The following IFT80 variants were observed in gnomAD, a reference collection of about 807,000 sequenced individuals.
The protein encoded by IFT80 is intraflagellar transport 80, also known as intraflagellar transport protein 80 homolog.
IFT80 carries 79 observed loss-of-function variants against 107.9 expected under a neutral mutation model. That is an observed-to-expected ratio of 0.73 (90% confidence interval 0.61 to 0.88). The LOEUF (loss-of-function observed/expected upper bound fraction) is 0.88, where lower values mean the gene tolerates loss of function less well. Ranked by LOEUF, IFT80 falls within the 40% of genes least tolerant of loss-of-function variation. The probability of loss-of-function intolerance (pLI) is 0.00; values close to 1 mark genes in which losing one functional copy is unlikely to be tolerated. For synonymous variants in IFT80, 299 were observed against 300.9 expected (o/e 0.99, Z 0.07); for missense variants, 797 against 914.2 (o/e 0.87, Z 1.65).
intron 16 of IFT80, among the ~76,000 whole-genome samples, chr3:160,278,176 G>A (rs1034318138): frequency 6.6e-6 from 1 of 152,132 alleles, no homozygotes; most frequent in Admixed American, 6.5e-5. Context: ...GTAAAATAGA[G>A]CTGCAGATAT....
At chr3:160,379,316 AAT>A (rs1296765301) in intron 3 of IFT80, among the ~76,000 whole-genome samples, 3 of 152,242 alleles carry the variant, frequency 2.0e-5, no homozygotes, top group South Asian at 2.1e-4. Flanking sequence ...CAACAAAAAC[AAT>A]ATGTTATCCT....
chr3:160,380,684 A>G (rs1418503913), intron 3 of IFT80, among the ~76,000 whole-genome samples: 1 of 151,692 alleles, frequency 6.6e-6, no homozygotes, highest in Admixed American at 6.5e-5. Context: ...GAAAACAAAT[A>G]TAAAAACATA....
At chr3:160,273,194 G>C (rs774286977) in intron 18 of IFT80, among the ~76,000 whole-genome samples, 10 of 152,312 alleles carry the variant, frequency 6.6e-5, no homozygotes, top group Middle Eastern at 3.4e-3. Context: ...TTTCTTAGCA[G>C]CTATAATTAC....
At chr3:160,361,621 A>T (rs935561857) in intron 6 of IFT80, among the ~76,000 whole-genome samples, 35 of 152,132 alleles carry the variant, frequency 2.3e-4, no homozygotes, top group African/African-American at 8.0e-4. Context: ...ACCGCATAGC[A>T]GGAAGTAAAG....
chr3:160,332,461 A>G (rs1423034821), intron 8 of IFT80, among the ~76,000 whole-genome samples: 1 of 152,322 alleles, frequency 6.6e-6, no homozygotes, highest in Non-Finnish European at 1.5e-5. Flanking sequence ...GAGCACAAGG[A>G]TAAGCACGGG....
intron 1 of IFT80, among the ~76,000 whole-genome samples, chr3:160,393,321 T>C (rs916477663): frequency 6.6e-6 from 1 of 152,170 alleles, no homozygotes; most frequent in African/African-American, 2.4e-5. Flanking sequence ...CATCCCTGTG[T>C]GGATATATGT....
intron 9 of IFT80, among the ~76,000 whole-genome samples, chr3:160,316,180 C>T (rs1473131939): frequency 6.6e-6 from 1 of 152,114 alleles, no homozygotes; most frequent in Non-Finnish European, 1.5e-5. Context: ...AAGCAAACCA[C>T]CAAGTTGTGA....
intron 8 of IFT80, among the ~76,000 whole-genome samples, chr3:160,336,641 T>G (rs1719487888): frequency 6.6e-6 from 1 of 152,072 alleles, no homozygotes; most frequent in Non-Finnish European, 1.5e-5. Flanking sequence ...GATCATCTAT[T>G]GTAATATATG....
rs1290629576 is a variant in IFT80 at position 160,362,463 on chromosome 3, C to T, written c.549+3580G>A. On this transcript the variant is annotated intron_variant, in intron 6 of 19. Coordinates refer to ENST00000326448, the MANE Select transcript of IFT80 (RefSeq NM_020800.3). Reference sequence around the variant, plus strand: ...GTACAAAGAGGAGCTGGAACCATTCCTTCTGAAATTATTCCAATCAATAGA... The same window carrying T: ...GTACAAAGAGGAGCTGGAACCATTCTTTCTGAAATTATTCCAATCAATAGA... Among the ~76,000 whole-genome samples, 9 of 152,318 alleles carry T rather than the reference C, an allele frequency of 5.9e-5. No homozygotes were observed. The East Asian group carries it at 1.5e-3, about 26-fold the overall frequency.
At chr3:160,290,406 A>C (rs960813458) in intron 12 of IFT80, among the ~76,000 whole-genome samples, 1 of 150,900 alleles carries the variant, frequency 6.6e-6, no homozygotes, top group African/African-American at 2.4e-5. Flanking sequence ...AGACTGTCTC[A>C]AAAACAGAAA....
chr3:160,359,758 G>C (rs528265915), intron 6 of IFT80, among the ~76,000 whole-genome samples: 2 of 152,280 alleles, frequency 1.3e-5, no homozygotes, highest in South Asian at 4.1e-4. Context: ...TGCAGTTGAG[G>C]GTCCTGACTG....
intron 8 of IFT80, 109 bp downstream of exon 8, chr3:160,355,904 C>T: frequency 7.9e-7 from 1 of 1,263,850 alleles, no homozygotes; most frequent in South Asian, 1.2e-5. Context: ...CAGAAAGATT[C>T]AACCAGATGC....
chr3:160,394,677 G>A (rs2108425765), intron 1 of IFT80, among the ~76,000 whole-genome samples: 1 of 152,142 alleles, frequency 6.6e-6, no homozygotes, highest in African/African-American at 2.4e-5. Flanking sequence ...TTGAACCCAG[G>A]AGGTGGAGGT....
chr3:160,278,184 T>A (rs1714415848), intron 16 of IFT80, among the ~76,000 whole-genome samples: 1 of 152,186 alleles, frequency 6.6e-6, no homozygotes, highest in South Asian at 2.1e-4. Context: ...GAGCTGCAGA[T>A]ATAAACAAGC....
intron 3 of IFT80, 102 bp from the exon 4 acceptor site, chr3:160,377,642 T>A: frequency 1.6e-6 from 1 of 619,680 alleles, no homozygotes; most frequent in Non-Finnish European, 2.9e-6. Flanking sequence ...AGGCAAATAT[T>A]AACATTATAA....
intron 8 of IFT80, among the ~76,000 whole-genome samples, chr3:160,324,818 T>C (rs1367200438): frequency 6.6e-6 from 1 of 152,006 alleles, no homozygotes; most frequent in Non-Finnish European, 1.5e-5. Flanking sequence ...GGTATTCAAT[T>C]AGGAAAAGAG....
Position 160,366,046 on chromosome 3 carries a change from C to T in IFT80, c.546G>A (p.Leu182=), listed in dbSNP as rs543233802. The T allele has an allele frequency of 9.9e-5, 160 of 1,610,904 alleles. 1 individual carries two copies. In the South Asian group the frequency reaches 1.3e-3, roughly 13 times the overall value. The change falls in exon 6 of 20, where the codon TTG becomes TTA. Residue 182 remains leucine (L), a synonymous_variant. Coordinates refer to ENST00000326448, the MANE Select transcript of IFT80 (RefSeq NM_020800.3). ...TTTACAAATGACTGAGAAGTACCTG[C>T]AAAACTTTAGCATTTGGTTGAAGAG... ...IKPLQPNAKV[L]QWKAHDGIIL...
intron 4 of IFT80, among the ~76,000 whole-genome samples, chr3:160,377,196 T>C (rs1288559784): frequency 1.3e-5 from 2 of 152,214 alleles, no homozygotes; most frequent in Admixed American, 6.5e-5. Flanking sequence ...ATTTATTCCA[T>C]ACGTGACCAT....
At chr3:160,281,075 A>T (rs531609418) in intron 14 of IFT80, among the ~76,000 whole-genome samples, 1 of 152,310 alleles carries the variant, frequency 6.6e-6, no homozygotes, top group East Asian at 1.9e-4. Context: ...GCAGCTAAAG[A>T]CTTGCTAATA....
Sources: allele counts gnomAD v4.1 joint callset (sites outside exome capture counted in the v4.1 genomes callset), GRCh38; gene constraint gnomAD v4.1.1; transcripts MANE v1.5; gene names NCBI Gene and HGNC (gene_info 2026-07-23, HGNC 2026-07-21).